CEBPZOS: variants seen among roughly 807,000 people sequenced by gnomAD.
CEBPZOS encodes protein CEBPZOS.
Under a neutral mutation model 4.8 loss-of-function variants are expected in CEBPZOS, and 10 were observed. The ratio of observed to expected loss-of-function variants is 2.07; its 90% CI spans 1.28 to 3.52. The LOEUF is 3.52. Ranked by LOEUF, CEBPZOS falls within the 30% of genes most tolerant of loss-of-function variation. CEBPZOS has a pLI of 0.00. For synonymous variants in CEBPZOS, 25 were observed against 14.2 expected, an observed-to-expected ratio of 1.77 and a Z score of -1.72; for missense variants, 98 against 43.6, an observed-to-expected ratio of 2.25 and a Z score of -3.51.
At chr2:37,214,886 C>T, downstream of CEBPZOS, 1 of 1,597,366 alleles carries the variant, frequency 6.3e-7, no homozygotes, top group Non-Finnish European at 8.6e-7. Context: ...TGTATAGTAC[C>T]TGTGGAAAAA....
intron 1 of CEBPZOS, among the ~76,000 whole-genome samples, chr2:37,197,601 G>A (rs1677009154): frequency 6.6e-6 from 1 of 152,208 alleles, no homozygotes; most frequent in Admixed American, 6.5e-5. Context: ...GCCGGGCGTG[G>A]CGGCACACGC....
chr2:37,215,877 G>A (rs1306252705), downstream of CEBPZOS, among the ~76,000 whole-genome samples: 9 of 151,024 alleles, frequency 6.0e-5, no homozygotes, highest in African/African-American at 1.7e-4. Context: ...AAAGCTGGGT[G>A]ATGGTAATGG....
At chr2:37,213,611 A>C (rs965417780) in exon 5 of CEBPZOS, 4 of 310,730 alleles carry the variant, frequency 1.3e-5, no homozygotes, top group African/African-American at 2.3e-5. Flanking sequence ...ACAGGGTTTC[A>C]CCATATTGGC....
intron 1 of CEBPZOS, among the ~76,000 whole-genome samples, chr2:37,197,018 C>A (rs1676976135): frequency 6.6e-6 from 1 of 152,220 alleles, no homozygotes; most frequent in South Asian, 2.1e-4. Context: ...AAGGGGCTTC[C>A]GACCCAGCAT....
chr2:37,203,657 A>T lies in CEBPZOS; in HGVS notation c.*1797A>T, dbSNP rs971948449. 6.6e-6 allele frequency: 1 copy of T among 152,242 alleles called. No homozygotes were observed. The highest frequency in any genetic ancestry group is 6.5e-5 in the Admixed American group (1 of 15,284). 9.4% of individuals were successfully genotyped at this position (152,242 alleles called of 1,614,324 possible). On this transcript the variant is annotated 3_prime_UTR_variant, in exon 5 of 5. Coordinates refer to ENST00000402297, the MANE Select transcript of CEBPZOS (RefSeq NM_001322374.2). ...TTTGGTAAATTTACAGACTTGTTCA[A>T]CCACAACCACAGTCTGATTTTAGAA...
chr2:37,197,533 G>A (rs1394508084), intron 1 of CEBPZOS, among the ~76,000 whole-genome samples: 3 of 152,190 alleles, frequency 2.0e-5, no homozygotes, highest in Admixed American at 1.3e-4. Context: ...CTTGAATAAT[G>A]GAACTGGCTG....
Position 37,203,186 on chromosome 2 carries a change from T to C in CEBPZOS, c.*1326T>C, listed in dbSNP as rs1407425364. The C allele has an allele frequency of 4.5e-5, 20 of 444,598 alleles. No homozygotes were observed. The highest frequency in any genetic ancestry group is 7.6e-5 in the Non-Finnish European group (19 of 250,670). 27.5% of individuals were successfully genotyped at this position (444,598 alleles called of 1,614,324 possible). ...ATTTAAGAGTTAGTATATAATATTT[T>C]CAAAAAGCTAACAACATCCTAATAG... On this transcript the variant is annotated 3_prime_UTR_variant, in exon 5 of 5. Transcript: ENST00000402297.
At position 37,202,879 on chromosome 2, in the gene CEBPZOS, A is replaced by C. The variant is rs1420998342; in HGVS notation, c.*1019A>C. The C allele has an allele frequency of 6.3e-7, 1 of 1,596,458 alleles. No homozygotes were observed. The highest frequency in any genetic ancestry group is 8.5e-7 in the Non-Finnish European group (1 of 1,171,256). On this transcript the variant is annotated 3_prime_UTR_variant, in exon 5 of 5. Transcript: ENST00000402297. ...TAGATGGCCAAACTTTTAAACAAAA[A>C]CGATAAATTTATTAGAAAACTAAAA... is the stretch of plus-strand genomic sequence containing the variant.
At chr2:37,196,733 C>G (rs1289355287) in intron 1 of CEBPZOS, 2 of 151,082 alleles carry the variant, frequency 1.3e-5, no homozygotes, top group Non-Finnish European at 3.0e-5. Flanking sequence ...CGTGCGTGCC[C>G]GCGCGTGTCG....
chr2:37,214,075 T>C (rs1332783891), downstream of CEBPZOS: 5 of 498,848 alleles, frequency 1.0e-5, no homozygotes, highest in Non-Finnish European at 1.7e-5. Flanking sequence ...TTAAGTATAC[T>C]CAATTGGAAA....
chr2:37,212,303 A>G, intron 4 of CEBPZOS: 1 of 1,593,406 alleles, frequency 6.3e-7, no homozygotes. Flanking sequence ...AAATGCTAGA[A>G]AAATAGGAAG....
In CEBPZOS at chr2:37,202,922, G is replaced by A. The variant is rs746674018; in HGVS notation, c.*1062G>A. Reference sequence around the variant, plus strand: ...AACTAAAAATAATGTAGAATAGCTAGCTTGTTAAAACAGTACATTAGCCTT... The same window carrying A: ...AACTAAAAATAATGTAGAATAGCTAACTTGTTAAAACAGTACATTAGCCTT... On this transcript the variant is annotated 3_prime_UTR_variant, in exon 5 of 5. Transcript: ENST00000402297. 5.0e-6 allele frequency: 8 copies of A among 1,592,718 alleles called. No homozygotes were observed. The East Asian group carries it at 1.6e-4, about 31-fold the overall frequency.
In CEBPZOS at chr2:37,201,034, C is replaced by CT. The variant is rs1198744047; in HGVS notation, c.116-8dup. 2.0e-5 allele frequency: 14 copies of CT among 714,464 alleles called. No individual in the cohort carries two copies. Among genetic ancestry groups the CT allele is most frequent in the Admixed American group, 1.4e-4 (7 of 49,478 alleles). 44.3% of individuals were successfully genotyped at this position (714,464 alleles called of 1,614,324 possible). On this transcript the variant is annotated splice_polypyrimidine_tract_variant and intron_variant, in intron 2 of 4. Transcript: ENST00000402297. The stretch of plus-strand genomic sequence containing the variant: ...TGTTCATATCTAATTTCAAGACATC[C>CT]TTTTTTCCATCAGATTTCAGGCAAA...
chr2:37,203,166 AGAGT>A lies in CEBPZOS; in HGVS notation c.*1307_*1310del. 2.0e-6 allele frequency: 1 copy of A among 507,426 alleles called. No individual in the cohort carries two copies. Among genetic ancestry groups the A allele is most frequent in the South Asian group, 3.6e-5 (1 of 27,994 alleles). 31.4% of individuals were successfully genotyped at this position (507,426 alleles called of 1,614,324 possible). ...GTAGCTGGCATTTAAATATAATTTA[AGAGT>A]TAGTATATAATATTTTCAAAAAGCT... On this transcript the variant is annotated 3_prime_UTR_variant, in exon 5 of 5. Coordinates refer to ENST00000402297, the MANE Select transcript of CEBPZOS (RefSeq NM_001322374.2).
rs773202691 is a variant in CEBPZOS at position 37,199,761 on chromosome 2, C to T, written c.57C>T (p.Ala19=). The change falls in exon 2 of 5, where the codon GCC becomes GCT. Residue 19 remains alanine, a synonymous_variant. Coordinates refer to ENST00000402297, the MANE Select transcript of CEBPZOS (RefSeq NM_001322374.2). ...AGATCTTTAAAGGAGTTTTGGTAGCCGAACTTGTAGGCGTTTTTGGAGCAT... is the reference window on the plus strand; with the variant it reads ...AGATCTTTAAAGGAGTTTTGGTAGCTGAACTTGTAGGCGTTTTTGGAGCAT... The part of the protein sequence containing the change: ...AKKIFKGVLV[A]ELVGVFGAYF... 102 of 717,354 alleles carry T rather than the reference C, an allele frequency of 1.4e-4. No homozygotes were observed. In the East Asian group the frequency reaches 1.6e-3, roughly 12 times the overall value. 44.4% of individuals were successfully genotyped at this position (717,354 alleles called of 1,614,324 possible).
At chr2:37,209,474 C>T (rs1409408902), downstream of CEBPZOS, 1 of 152,064 alleles carries the variant, frequency 6.6e-6, no homozygotes, top group East Asian at 1.9e-4. Context: ...GAATAGAGAA[C>T]CCAGAAATAA....
chr2:37,213,530 GCTTC>G, exon 5 of CEBPZOS: 1 of 174,822 alleles, frequency 5.7e-6, no homozygotes, highest in Non-Finnish European at 1.2e-5. Flanking sequence ...TCGTGCCTCT[GCTTC>G]TCGAGTAGCT....
downstream of CEBPZOS, among the ~76,000 whole-genome samples, chr2:37,207,849 T>A (rs1677590871): frequency 6.6e-6 from 1 of 151,536 alleles, no homozygotes. Flanking sequence ...AAAAGATAAA[T>A]GAAACAAAAA....
In CEBPZOS at chr2:37,202,929, A is replaced by G. The variant is rs1011973954; in HGVS notation, c.*1069A>G. 1.9e-6 allele frequency: 3 copies of G among 1,595,022 alleles called. No homozygotes were observed. The African/African-American group carries it at 4.0e-5, about 22-fold the overall frequency. Reference sequence around the variant, plus strand: ...AATAATGTAGAATAGCTAGCTTGTTAAAACAGTACATTAGCCTTACCTCTT... The same window carrying G: ...AATAATGTAGAATAGCTAGCTTGTTGAAACAGTACATTAGCCTTACCTCTT... On this transcript the variant is annotated 3_prime_UTR_variant, in exon 5 of 5. Coordinates refer to ENST00000402297, the MANE Select transcript of CEBPZOS (RefSeq NM_001322374.2).
Sources: allele counts gnomAD v4.1 joint callset (sites outside exome capture counted in the v4.1 genomes callset), GRCh38; gene constraint gnomAD v4.1.1; transcripts MANE v1.5; gene names NCBI Gene and HGNC (gene_info 2026-07-23, HGNC 2026-07-21).